Variants in IGF1R observed in about 807,000 individuals in gnomAD.
The protein encoded by IGF1R is insulin-like growth factor 1 receptor.
Under a neutral mutation model 144.6 loss-of-function variants are expected in IGF1R, and 44 were observed. The observed-to-expected ratio is 0.30, with a 90% CI of 0.24 to 0.39. The LOEUF (loss-of-function observed/expected upper bound fraction) is 0.39. IGF1R is among the 10% of genes least tolerant of loss of function. IGF1R has a pLI of 1.00. For synonymous variants in IGF1R, 795 were observed against 722.8 expected (o/e 1.10, Z -1.60); for missense variants, 1,355 against 1,833.7 (o/e 0.74, Z 4.77).
intron 5 of IGF1R, among the ~76,000 whole-genome samples, chr15:98,903,082 A>T (rs1298066410): frequency 6.6e-6 from 1 of 152,214 alleles, no homozygotes; most frequent in Non-Finnish European, 1.5e-5. Flanking sequence ...ATGACCTTAG[A>T]CATTAAGAAA....
chr15:98,800,963 T>C (rs2056349882), intron 2 of IGF1R, among the ~76,000 whole-genome samples: 1 of 152,004 alleles, frequency 6.6e-6, no homozygotes, highest in Non-Finnish European at 1.5e-5. Context: ...TTTTTCTTCC[T>C]TGTGCAACTG....
intron 1 of IGF1R, among the ~76,000 whole-genome samples, chr15:98,691,388 A>G (rs1470547277): frequency 6.9e-6 from 1 of 144,604 alleles, no homozygotes; most frequent in South Asian, 2.2e-4. Context: ...TTTTTGAGAC[A>G]GAGTCTCACT....
rs2052529418 is a variant in IGF1R, at chr15:98,658,247, C to G, written c.94+8572C>G. Among the ~76,000 whole-genome samples, 4 of 152,344 alleles carry G rather than the reference C, an allele frequency of 2.6e-5. No homozygotes were observed. In the South Asian group the frequency reaches 8.3e-4, roughly 32 times the overall value. On this transcript the variant is annotated intron_variant, in intron 1 of 20. Transcript: ENST00000650285. The stretch of plus-strand genomic sequence containing the variant: ...GAGAATGTTTTTCCTCTTCACTACT[C>G]TGCTACTTCTCCTTCCATCCTCAAT...
intron 2 of IGF1R, among the ~76,000 whole-genome samples, chr15:98,779,297 G>A (rs1295791865): frequency 6.6e-6 from 1 of 152,196 alleles, no homozygotes; most frequent in East Asian, 1.9e-4. Context: ...AAATGCAATT[G>A]ATTCTAAAAT....
intron 2 of IGF1R, among the ~76,000 whole-genome samples, chr15:98,749,057 C>T (rs1398675583): frequency 6.6e-6 from 1 of 151,988 alleles, no homozygotes; most frequent in African/African-American, 2.4e-5. Context: ...GTCAATTGCC[C>T]GTTATTCAAG....
At chr15:98,766,362 A>T (rs2055438035) in intron 2 of IGF1R, among the ~76,000 whole-genome samples, 1 of 151,968 alleles carries the variant, frequency 6.6e-6, no homozygotes, top group Admixed American at 6.6e-5. Flanking sequence ...CTCTTTTCTG[A>T]TTCCCACCTT....
chr15:98,746,378 G>C (rs59350108), intron 2 of IGF1R, among the ~76,000 whole-genome samples: 54,241 of 152,052 alleles, frequency 0.36, 9,877 homozygotes, highest in South Asian at 0.41. Flanking sequence ...CTGGAACTCT[G>C]TCTAGGTTGG....
chr15:98,869,318 A>C (rs375932057), intron 2 of IGF1R, among the ~76,000 whole-genome samples: 45 of 144,338 alleles, frequency 3.1e-4, no homozygotes, highest in Non-Finnish European at 4.6e-4. Context: ...ACAACAACAA[A>C]AAAAAACACC....
intron 2 of IGF1R, among the ~76,000 whole-genome samples, chr15:98,819,552 T>A (rs1489502758): frequency 1.3e-5 from 2 of 152,162 alleles, no homozygotes; most frequent in Non-Finnish European, 2.9e-5. Flanking sequence ...GATCTTGGAC[T>A]TCCCAGACTC....
chr15:98,731,425 A>G (rs1237266799), intron 2 of IGF1R, among the ~76,000 whole-genome samples: 2 of 152,204 alleles, frequency 1.3e-5, no homozygotes, highest in Non-Finnish European at 2.9e-5. Flanking sequence ...TTTTCCCCTC[A>G]TATGACTTTG....
At chr15:98,894,287 C>T (rs899143041) in intron 3 of IGF1R, among the ~76,000 whole-genome samples, 1 of 152,190 alleles carries the variant, frequency 6.6e-6, no homozygotes, top group African/African-American at 2.4e-5. Context: ...TAAACATACA[C>T]TTATGGTACA....
intron 2 of IGF1R, among the ~76,000 whole-genome samples, chr15:98,858,616 G>C (rs1034772703): frequency 1.3e-5 from 2 of 152,138 alleles, no homozygotes; most frequent in Non-Finnish European, 2.9e-5. Context: ...TAAAGGCTTA[G>C]AGAACTCTGG....
At chr15:98,667,403 G>A (rs2052771122) in intron 1 of IGF1R, among the ~76,000 whole-genome samples, 1 of 152,132 alleles carries the variant, frequency 6.6e-6, no homozygotes, top group African/African-American at 2.4e-5. Flanking sequence ...TGAAAGAAAG[G>A]GATTGACCTC....
intron 2 of IGF1R, among the ~76,000 whole-genome samples, chr15:98,810,686 C>A (rs1164614120): frequency 2.6e-5 from 4 of 151,982 alleles, no homozygotes; most frequent in African/African-American, 7.2e-5. Flanking sequence ...GTAGCTGGGA[C>A]TACAGGCGCC....
chr15:98,891,581 C>A lies in IGF1R; in HGVS notation c.897C>A (p.His299Gln). 1 of 1,605,912 alleles carries A rather than the reference C, an allele frequency of 6.2e-7. No homozygotes were observed. The highest frequency in any genetic ancestry group is 8.5e-7 in the Non-Finnish European group (1 of 1,179,984). Residue 299 changes from histidine (H) to glutamine (Q), a missense_variant, in exon 3 of 21, where the codon CAC becomes CAA. His to Gln is a conservative substitution (Grantham distance 24). Coordinates refer to ENST00000650285, the MANE Select transcript of IGF1R (RefSeq NM_000875.5). The surrounding 1 kb of genome is among the most constrained non-coding windows in gnomAD (Gnocchi z 4.7). Reference sequence around the variant, plus strand: ...GCGACTCCGAGGGGTTTGTGATCCACGACGGCGAGTGCATGCAGGAGTGCC... The same window carrying A: ...GCGACTCCGAGGGGTTTGTGATCCAAGACGGCGAGTGCATGCAGGAGTGCC... ...ESSDSEGFVI[H>Q]DGECMQECPS...
Position 98,913,267 on chromosome 15 carries a change from C to T in IGF1R, c.1813C>T (p.Arg605Cys), listed in dbSNP as rs1223089854. 3.1e-6 allele frequency: 5 copies of T among 1,613,302 alleles called. No individual in the cohort carries two copies. Among genetic ancestry groups the T allele is most frequent in the African/African-American group, 1.3e-5 (1 of 74,934 alleles). ...GGCCAAGAGTGAGATCTTGTACATT[C>T]GCACCAATGCTTCAGGTATCCATGC... ...RGAKSEILYI[R>C]TNASVPSIPL... The change falls in exon 8 of 21, where the codon CGC (arginine) becomes TGC (cysteine). Residue 605 changes from arginine (R) to cysteine (C), a missense_variant. Arg to Cys is a radical substitution (Grantham distance 180). Coordinates refer to ENST00000650285, the MANE Select transcript of IGF1R (RefSeq NM_000875.5).
At chr15:98,775,499 C>T (rs1299790957) in intron 2 of IGF1R, among the ~76,000 whole-genome samples, 1 of 152,166 alleles carries the variant, frequency 6.6e-6, no homozygotes, top group Non-Finnish European at 1.5e-5. Context: ...TTCTTCCCCT[C>T]ATGTCTCAAC....
At chr15:98,663,648 C>A (rs1033489348) in intron 1 of IGF1R, among the ~76,000 whole-genome samples, 1 of 152,208 alleles carries the variant, frequency 6.6e-6, no homozygotes, top group African/African-American at 2.4e-5. Context: ...GGAGTCCAGG[C>A]TGGAGACTGA....
At chr15:98,833,092 T>G (rs1279997661) in intron 2 of IGF1R, among the ~76,000 whole-genome samples, 1 of 152,230 alleles carries the variant, frequency 6.6e-6, no homozygotes, top group Non-Finnish European at 1.5e-5. Flanking sequence ...GAAGTCATTT[T>G]GGGTTGAGGT....
Sources: allele counts gnomAD v4.1 joint callset (sites outside exome capture counted in the v4.1 genomes callset), GRCh38; gene constraint gnomAD v4.1.1; non-coding constraint Gnocchi (gnomAD v3.1); transcripts MANE v1.5; gene names NCBI Gene and HGNC (gene_info 2026-07-23, HGNC 2026-07-21).